The following INSC variants were observed in gnomAD, a reference collection of about 807,000 sequenced individuals.
The protein encoded by INSC is INSC spindle orientation adaptor protein.
In INSC, 67 loss-of-function variants were observed where a neutral mutation model predicts 58.6. That is an observed-to-expected ratio of 1.14 (90% CI 0.94 to 1.40). INSC has a LOEUF of 1.40. Among genes scored for constraint, INSC ranks in the 40% most tolerant of loss-of-function variants. INSC has a pLI of 0.00. For synonymous variants in INSC, 262 were observed against 276.1 expected (o/e 0.95, Z 0.51); for missense variants, 714 against 692.0 (o/e 1.03, Z -0.36).
At chr11:15,118,027 C>T (rs994396227) in intron 1 of INSC, among the ~76,000 whole-genome samples, 16 of 152,184 alleles carry the variant, frequency 1.1e-4, no homozygotes, top group East Asian at 5.8e-4. Flanking sequence ...GCCCTGGCCC[C>T]GCAGCCACCC....
intron 2 of INSC, among the ~76,000 whole-genome samples, chr11:15,158,054 C>T (rs1848878966): frequency 6.6e-6 from 1 of 152,114 alleles, no homozygotes; most frequent in Non-Finnish European, 1.5e-5. Context: ...CCTATCCTGT[C>T]CCTCCCAGAT....
intron 7 of INSC, among the ~76,000 whole-genome samples, chr11:15,212,834 T>C (rs1851079577): frequency 6.6e-6 from 1 of 152,236 alleles, no homozygotes; most frequent in Admixed American, 6.5e-5. Flanking sequence ...TTGCATATCT[T>C]GTCTGATTGC....
rs77954606 is a variant in INSC at position 15,165,994 on chromosome 11, C to T, written c.57-9747C>T. Reference sequence around the variant, plus strand: ...GCTATCTTTCTTATGTCTGTCTCTTCTGCTCGACTATGTAAGCTTCCTGGG... The same window carrying T: ...GCTATCTTTCTTATGTCTGTCTCTTTTGCTCGACTATGTAAGCTTCCTGGG... On this transcript the variant is annotated intron_variant, in intron 2 of 12. Transcript: ENST00000379556. Among the ~76,000 whole-genome samples the T allele has an allele frequency of 7.9e-3, 1,197 of 152,278 alleles. 12 individuals carry two copies. Among genetic ancestry groups the T allele is most frequent in the African/African-American group, 0.027 (1,139 of 41,552 alleles).
At chr11:15,243,659 C>T (rs200569905) in intron 12 of INSC, among the ~76,000 whole-genome samples, 4 of 152,148 alleles carry the variant, frequency 2.6e-5, no homozygotes, top group Admixed American at 6.5e-5. Context: ...CTCTCTCTGC[C>T]GCTCTCTGTT....
At chr11:15,206,982 G>T (rs977430102) in intron 7 of INSC, among the ~76,000 whole-genome samples, 3 of 152,182 alleles carry the variant, frequency 2.0e-5, no homozygotes, top group African/African-American at 7.2e-5. Flanking sequence ...CAATGACCAT[G>T]GCAGGGTGCC....
At chr11:15,128,140 G>C (rs1848042445) in intron 1 of INSC, among the ~76,000 whole-genome samples, 1 of 151,756 alleles carries the variant, frequency 6.6e-6, no homozygotes, top group Admixed American at 6.6e-5. Context: ...AAACATTTCT[G>C]AGAACCTTTT....
intron 2 of INSC, among the ~76,000 whole-genome samples, chr11:15,170,356 C>T (rs1849353516): frequency 6.6e-6 from 1 of 152,026 alleles, no homozygotes; most frequent in African/African-American, 2.4e-5. Flanking sequence ...CCTTAGTCAC[C>T]TCTGTTCTAT....
At chr11:15,266,230 A>T in the INSC span, among the ~76,000 whole-genome samples, 15 of 151,866 alleles carry the variant, frequency 9.9e-5, no homozygotes, top group African/African-American at 3.6e-4. Context: ...CTAGAATAAG[A>T]TCAAGATCAA....
chr11:15,113,893 C>T (rs1847631797), upstream of INSC, among the ~76,000 whole-genome samples: 1 of 152,086 alleles, frequency 6.6e-6, no homozygotes. Context: ...GTCGTTTTGT[C>T]ATGGGGACTG....
chr11:15,191,413 CTCCACACATCCT>C (rs1310903101), intron 6 of INSC, among the ~76,000 whole-genome samples: 2 of 152,142 alleles, frequency 1.3e-5, no homozygotes, highest in African/African-American at 2.4e-5. Context: ...CTTTCTCCAT[CTCCACACATCCT>C]TCCCTTCCTG....
chr11:15,193,442 C>G (rs548962453), intron 6 of INSC, among the ~76,000 whole-genome samples: 2 of 152,332 alleles, frequency 1.3e-5, no homozygotes, highest in African/African-American at 4.8e-5. Context: ...ATCCCTCCCC[C>G]ATCCCCCCAC....
intron 9 of INSC, among the ~76,000 whole-genome samples, chr11:15,231,535 A>G (rs987728535): frequency 3.9e-5 from 6 of 152,278 alleles, no homozygotes; most frequent in Admixed American, 3.9e-4. Context: ...AGAGGCTGAA[A>G]ATTATTCTGC....
At chr11:15,234,334 G>T (rs1852038772) in intron 9 of INSC, among the ~76,000 whole-genome samples, 1 of 152,182 alleles carries the variant, frequency 6.6e-6, no homozygotes, top group Admixed American at 6.5e-5. Flanking sequence ...GGGAGAGATA[G>T]ATATTCTATT....
At chr11:15,136,632 A>G (rs923411438) in intron 1 of INSC, among the ~76,000 whole-genome samples, 3 of 152,194 alleles carry the variant, frequency 2.0e-5, no homozygotes, top group African/African-American at 4.8e-5. Context: ...TTCTTTGCTC[A>G]TCCATAAGAA....
At chr11:15,164,349 G>A (rs1849122058) in intron 2 of INSC, among the ~76,000 whole-genome samples, 1 of 152,044 alleles carries the variant, frequency 6.6e-6, no homozygotes, top group Non-Finnish European at 1.5e-5. Flanking sequence ...TTAGTATAGG[G>A]TCCAAAAATA....
chr11:15,202,448 G>A (rs999310378), intron 7 of INSC, among the ~76,000 whole-genome samples: 3 of 152,174 alleles, frequency 2.0e-5, no homozygotes, highest in African/African-American at 7.2e-5. Context: ...TGCTATGCGT[G>A]TGCTCTCTTA....
chr11:15,158,386 T>C (rs1848891592), intron 2 of INSC, among the ~76,000 whole-genome samples: 1 of 151,970 alleles, frequency 6.6e-6, no homozygotes, highest in Non-Finnish European at 1.5e-5. Context: ...GTGAAACTTC[T>C]TGCCATATGA....
At chr11:15,257,233 G>A in the INSC span, among the ~76,000 whole-genome samples, 1 of 152,108 alleles carries the variant, frequency 6.6e-6, no homozygotes, top group Non-Finnish European at 1.5e-5. Flanking sequence ...ATTATTTACT[G>A]ATTGGAAGAC....
upstream of INSC, among the ~76,000 whole-genome samples, chr11:15,114,390 C>G (rs1460558214): frequency 6.6e-6 from 1 of 152,170 alleles, no homozygotes; most frequent in Non-Finnish European, 1.5e-5. Flanking sequence ...AGGGAAGCAC[C>G]TGCGGTGAAT....
Sources: gnomAD v4.1 joint callset for allele counts (sites outside exome capture counted in the v4.1 genomes callset) on GRCh38, gnomAD v4.1.1 for gene constraint, MANE v1.5 for transcripts, NCBI Gene and HGNC (gene_info 2026-07-23, HGNC 2026-07-21) for gene names.